Variants in MYT1L observed in about 807,000 individuals in gnomAD.
The protein encoded by MYT1L is myelin transcription factor 1-like protein.
In MYT1L, 12 loss-of-function variants were observed where a neutral mutation model predicts 126.7. The observed-to-expected ratio is 0.09, with a 90% confidence interval of 0.06 to 0.15. The LOEUF (loss-of-function observed/expected upper bound fraction) is 0.15, where lower values mean the gene tolerates loss of function less well. Among genes scored for constraint, MYT1L ranks in the 10% least tolerant of loss-of-function variants. MYT1L has a pLI of 1.00. For missense variants in MYT1L, 979 were observed against 1,585.2 expected (o/e 0.62, Z 6.49); for synonymous variants, 541 against 604.2 (o/e 0.90, Z 1.53).
rs557772014 is a variant in MYT1L, at chr2:1,915,148, G to A, written c.1618+2057C>T. 4.8e-4 allele frequency among the ~76,000 whole-genome samples: 73 copies of A among 152,324 alleles called. 1 individual carries two copies. The highest frequency in any genetic ancestry group is 1.7e-3 in the African/African-American group (72 of 41,574). On this transcript the variant is annotated intron_variant, in intron 11 of 24. Transcript: ENST00000647738. ...CTCAGTGGTCCTGACACAGTGTGCT[G>A]CTGGTTTCTTTATGGAATTTAGTTG... is the stretch of plus-strand genomic sequence containing the variant.
At chr2:2,199,951 C>G (rs2092988465) in intron 2 of MYT1L, among the ~76,000 whole-genome samples, 1 of 152,214 alleles carries the variant, frequency 6.6e-6, no homozygotes, top group Non-Finnish European at 1.5e-5. Flanking sequence ...TTTGAACACA[C>G]AGCACTCAGA....
rs542810881 is a variant in MYT1L, at chr2:1,887,698, T to G, written c.2521-89A>C. On this transcript the variant is annotated intron_variant, in intron 16 of 24. Transcript: ENST00000647738. This position sits in a 1 kb window ranked among gnomAD's most constrained non-coding sequence, Gnocchi z 4.8. Reference sequence around the variant, plus strand: ...TGGTTCGTGGCTCTGGGGTGGCCTCTACATCTTACACCTCTTTCTGCTGTA... The same window carrying G: ...TGGTTCGTGGCTCTGGGGTGGCCTCGACATCTTACACCTCTTTCTGCTGTA... The G allele has an allele frequency of 5.2e-5, 77 of 1,472,322 alleles. No individual in the cohort carries two copies. In the African/African-American group the frequency reaches 9.2e-4, roughly 18 times the overall value. The allele number at this position is 1,472,322 out of a possible 1,614,324, so 91.2% of individuals were successfully genotyped here. A position where few individuals can be genotyped will look rare whatever the true frequency, so the allele number is the denominator to read the frequency against.
chr2:2,224,314 C>T lies in MYT1L; in HGVS notation c.-420-51326G>A, dbSNP rs1382251540. On this transcript the variant is annotated intron_variant, in intron 2 of 24. Transcript: ENST00000647738. The surrounding 1 kb of genome is among the most constrained non-coding windows in gnomAD (Gnocchi z 4.0). Reference sequence around the variant, plus strand: ...CAACAGATGGCACCCAGAAAGGAGGCGTGGCGAGACCTTCCAGCAGACAGC... The same window carrying T: ...CAACAGATGGCACCCAGAAAGGAGGTGTGGCGAGACCTTCCAGCAGACAGC... Among the ~76,000 whole-genome samples the T allele has an allele frequency of 6.6e-6, 1 of 152,016 alleles. No individual in the cohort carries two copies. Among genetic ancestry groups the T allele is most frequent in the Non-Finnish European group, 1.5e-5 (1 of 68,024 alleles).
intron 1 of MYT1L, among the ~76,000 whole-genome samples, chr2:2,285,692 C>T (rs1481398120): frequency 2.0e-5 from 3 of 152,212 alleles, no homozygotes; most frequent in Non-Finnish European, 4.4e-5. Context: ...GTAAGAGCAG[C>T]ACACATGTCA....
intron 3 of MYT1L, among the ~76,000 whole-genome samples, chr2:2,102,150 T>C (rs2078171888): frequency 6.6e-6 from 1 of 152,242 alleles, no homozygotes; most frequent in African/African-American, 2.4e-5. Context: ...GAGTGATTTT[T>C]AGGCTTCTTG....
intron 1 of MYT1L, among the ~76,000 whole-genome samples, chr2:2,322,055 G>A (rs908946587): frequency 7.2e-5 from 11 of 152,046 alleles, no homozygotes; most frequent in Non-Finnish European, 1.3e-4. Flanking sequence ...ACAAAATCAT[G>A]GAAGAGGGGA....
intron 19 of MYT1L, among the ~76,000 whole-genome samples, chr2:1,846,057 T>C (rs1490827897): frequency 1.3e-5 from 2 of 152,244 alleles, no homozygotes; most frequent in Non-Finnish European, 2.9e-5. Context: ...TACATACATA[T>C]TTGAAAAGTA....
At chr2:1,842,752 T>G (rs990403707) in intron 19 of MYT1L, 21 of 154,876 alleles carry the variant, frequency 1.4e-4, no homozygotes, top group Non-Finnish European at 2.7e-4. Flanking sequence ...ATTAGACTCA[T>G]CGTCCACGTC....
chr2:2,316,852 C>T (rs945846259), intron 1 of MYT1L, among the ~76,000 whole-genome samples: 16 of 151,796 alleles, frequency 1.1e-4, no homozygotes, highest in Non-Finnish European at 1.3e-4. Flanking sequence ...GCTCTGTCAC[C>T]GAGGATGGAG....
At chr2:1,809,351 CATGT>C (rs1558618333) in intron 21 of MYT1L, among the ~76,000 whole-genome samples, 184 bp from the exon 22 acceptor site, 2 of 152,152 alleles carry the variant, frequency 1.3e-5, no homozygotes, top group African/African-American at 2.4e-5. Flanking sequence ...ACATGGGGTG[CATGT>C]GTGTGCACTC....
intron 3 of MYT1L, among the ~76,000 whole-genome samples, chr2:2,075,285 C>T (rs1417906088): frequency 1.3e-5 from 2 of 152,074 alleles, no homozygotes; most frequent in Non-Finnish European, 2.9e-5. Context: ...AGGATTCTAC[C>T]CTTTTGTGGG....
chr2:2,039,829 G>C (rs1227807848), intron 4 of MYT1L, among the ~76,000 whole-genome samples: 1 of 152,150 alleles, frequency 6.6e-6, no homozygotes, highest in Non-Finnish European at 1.5e-5. Flanking sequence ...AAGGAGCCAG[G>C]AAGACTCTTC....
chr2:2,096,001 C>T (rs919755650), intron 3 of MYT1L, among the ~76,000 whole-genome samples: 5 of 152,278 alleles, frequency 3.3e-5, no homozygotes, highest in East Asian at 1.9e-4. Context: ...GGGTCTGTGG[C>T]GCCCACCTGT....
intron 3 of MYT1L, among the ~76,000 whole-genome samples, chr2:2,152,796 A>G (rs2086027453): frequency 6.6e-6 from 1 of 152,152 alleles, no homozygotes; most frequent in African/African-American, 2.4e-5. Flanking sequence ...ATTTATGTAG[A>G]TTATTAAACA....
intron 4 of MYT1L, among the ~76,000 whole-genome samples, chr2:2,013,696 T>C (rs559740322): frequency 1.3e-5 from 2 of 152,336 alleles, no homozygotes; most frequent in Admixed American, 1.3e-4. Context: ...TCCATCTCGC[T>C]GGGCTGAAGT....
chr2:1,858,372 T>C (rs2148592328), intron 18 of MYT1L, among the ~76,000 whole-genome samples: 1 of 152,286 alleles, frequency 6.6e-6, no homozygotes, highest in Non-Finnish European at 1.5e-5. Context: ...TGCATCCGAC[T>C]GCTCCACATC....
Position 2,125,309 on chromosome 2 carries a change from C to G in MYT1L, c.-304+47563G>C, listed in dbSNP as rs73911402. ...TCTGGATCCAAGTTTTATTATGCCA[C>G]AAAGATGAGCTATTGAAGATCTATT... On this transcript the variant is annotated intron_variant, in intron 3 of 24. Transcript: ENST00000647738. 8.6e-3 allele frequency among the ~76,000 whole-genome samples: 1,311 copies of G among 152,224 alleles called. 18 individuals are homozygous for G. The highest frequency in any genetic ancestry group is 0.026 in the African/African-American group (1,091 of 41,524).
rs543769224 is a variant in MYT1L at position 1,861,110 on chromosome 2, G to T, written c.2712-9407C>A. On this transcript the variant is annotated intron_variant, in intron 18 of 24. Coordinates refer to ENST00000647738, the MANE Select transcript of MYT1L (RefSeq NM_001303052.2). Reference sequence around the variant, plus strand: ...TGTTTTTTAAATCTGAGGACCCCGAGGCCCTGAGGAACTGAAAGAGCCATT... The same window carrying T: ...TGTTTTTTAAATCTGAGGACCCCGATGCCCTGAGGAACTGAAAGAGCCATT... Among the ~76,000 whole-genome samples, 9 of 152,246 alleles carry T rather than the reference G, an allele frequency of 5.9e-5. No individual in the cohort carries two copies. In the South Asian group the frequency reaches 1.9e-3, roughly 32 times the overall value.
chr2:2,316,431 C>T (rs1312713716), intron 1 of MYT1L, among the ~76,000 whole-genome samples: 1 of 152,204 alleles, frequency 6.6e-6, no homozygotes, highest in Non-Finnish European at 1.5e-5. Flanking sequence ...TTAACCTGTG[C>T]ATACCCTAAA....
Sources: gnomAD v4.1 joint callset for allele counts (sites outside exome capture counted in the v4.1 genomes callset) on GRCh38, gnomAD v4.1.1 for gene constraint, Gnocchi (gnomAD v3.1) non-coding constraint, MANE v1.5 for transcripts, NCBI Gene and HGNC (gene_info 2026-07-23, HGNC 2026-07-21) for gene names.